Variants in DEPDC5 observed in about 807,000 individuals in gnomAD.
DEPDC5 encodes DEP domain containing 5, GATOR1 subcomplex subunit, also known as GATOR1 complex protein DEPDC5.
DEPDC5 carries 73 observed loss-of-function variants against 217.3 expected under a neutral mutation model. The ratio of observed to expected loss-of-function variants is 0.34; its 90% CI spans 0.28 to 0.41. The LOEUF (loss-of-function observed/expected upper bound fraction) is 0.41, where lower values mean the gene tolerates loss of function less well. DEPDC5 is among the 10% of genes least tolerant of loss of function. The probability of loss-of-function intolerance (pLI) is 1.00; values close to 1 mark genes in which losing one functional copy is unlikely to be tolerated. For missense variants in DEPDC5, 1,675 were observed against 2,070.1 expected (o/e 0.81, Z 3.70); for synonymous variants, 733 against 756.7 (o/e 0.97, Z 0.51).
intron 15 of DEPDC5, among the ~76,000 whole-genome samples, chr22:31,803,588 A>G (rs764872058): frequency 1.7e-4 from 26 of 151,690 alleles, no homozygotes; most frequent in Middle Eastern, 3.4e-3. Context: ...CGTATCCCCA[A>G]CTCAGCCCCA....
intron 37 of DEPDC5, among the ~76,000 whole-genome samples, chr22:31,877,749 C>CAAAA (rs136870): frequency 9.5e-5 from 6 of 62,836 alleles, no homozygotes; most frequent in East Asian, 5.6e-4. Flanking sequence ...GACTCCATCT[C>CAAAA]AAAAAAAAAA....
Position 31,845,765 on chromosome 22 carries a change from GTA to G in DEPDC5, c.3021+530_3021+531del, listed in dbSNP as rs759194765. 1.3e-3 allele frequency among the ~76,000 whole-genome samples: 191 copies of G among 149,218 alleles called. 1 individual carries two copies. Among genetic ancestry groups the G allele is most frequent in the Non-Finnish European group, 2.1e-3 (141 of 67,276 alleles). ...ATAATTGACGTGTGTGTGTGTGTGTGTATGTGTGTGTGTGTGTACACAGGTCT... is the reference window on the plus strand; with the variant it reads ...ATAATTGACGTGTGTGTGTGTGTGTGTGTGTGTGTGTGTGTACACAGGTCT... On this transcript the variant is annotated intron_variant, in intron 30 of 42. Transcript: ENST00000651528.
Position 31,857,460 on chromosome 22 carries a change from G to T in DEPDC5, c.3171G>T (p.Gln1057His). 6.2e-7 allele frequency: 1 copy of T among 1,608,262 alleles called. No homozygotes were observed. Among genetic ancestry groups the T allele is most frequent in the Non-Finnish European group, 8.5e-7 (1 of 1,177,494 alleles). The change falls in exon 32 of 43, where the codon CAG (glutamine) becomes CAT (histidine). Residue 1057 changes from glutamine (Q) to histidine (H), a missense_variant. This residue lies in a region of DEPDC5 where 126 missense variants were observed against 113.8 expected (regional missense o/e 1.11). Coordinates refer to ENST00000651528, the MANE Select transcript of DEPDC5 (RefSeq NM_001242896.3). ...CTCCTTTCAGGTGCCTGGGAGAACA[G>T]CAGGCAGCTGTGCATGGTGGGAAGA... The part of the protein sequence containing the change: ...MEASQKCLGE[Q>H]QAAVHGGKSS...
chr22:31,837,221 A>G (rs2091071352), intron 26 of DEPDC5, 66 bp downstream of exon 26: 3 of 1,542,204 alleles, frequency 1.9e-6, no homozygotes, highest in East Asian at 4.5e-5. Flanking sequence ...CCACACATGC[A>G]TCAGAACACT....
intron 21 of DEPDC5, chr22:31,817,072 C>A: frequency 6.2e-6 from 1 of 160,318 alleles, no homozygotes; most frequent in Non-Finnish European, 1.4e-5. Flanking sequence ...GGAAATGGTA[C>A]ACATTGTTTC....
intron 8 of DEPDC5, among the ~76,000 whole-genome samples, chr22:31,783,595 G>A (rs2084683467): frequency 6.6e-6 from 1 of 152,138 alleles, no homozygotes; most frequent in South Asian, 2.1e-4. Flanking sequence ...TGGAGCCTGG[G>A]AGTTTGAGGC....
chr22:31,809,973 C>T (rs1327296502), intron 19 of DEPDC5, among the ~76,000 whole-genome samples: 1 of 151,976 alleles, frequency 6.6e-6, no homozygotes, highest in Non-Finnish European at 1.5e-5. Flanking sequence ...CAGAGCAAGA[C>T]TCTGTCTCAA....
At chr22:31,851,211 G>A (rs1273054202) in intron 31 of DEPDC5, among the ~76,000 whole-genome samples, 1 of 152,206 alleles carries the variant, frequency 6.6e-6, no homozygotes, top group Non-Finnish European at 1.5e-5. Context: ...ACTCAGTCAT[G>A]CTAGCTGGCT....
chr22:31,883,612 T>C (rs1306328545), intron 38 of DEPDC5, among the ~76,000 whole-genome samples: 2 of 152,224 alleles, frequency 1.3e-5, no homozygotes, highest in African/African-American at 4.8e-5. Context: ...TACTACAATT[T>C]ATGCTTTAGA....
chr22:31,849,722 A>G (rs1238429276), intron 31 of DEPDC5, among the ~76,000 whole-genome samples: 1 of 152,074 alleles, frequency 6.6e-6, no homozygotes, highest in East Asian at 1.9e-4. Context: ...CGGAGGTTGC[A>G]ATGAGCTAAA....
intron 24 of DEPDC5, among the ~76,000 whole-genome samples, chr22:31,833,015 C>T (rs1469333263): frequency 1.3e-5 from 2 of 152,132 alleles, no homozygotes; most frequent in East Asian, 1.9e-4. Flanking sequence ...AGTTAGCCAC[C>T]GTTGAATGTT....
rs1194900785 is a variant in DEPDC5, at chr22:31,879,040, A to AT, written c.3806-485_3806-484insT. Among the ~76,000 whole-genome samples the AT allele has an allele frequency of 7.0e-5, 9 of 129,032 alleles. No homozygotes were observed. The South Asian group carries it at 1.0e-3, about 14-fold the overall frequency. The allele number at this position is 129,032 out of a possible 152,430, so 84.7% of individuals were successfully genotyped here. A position where few individuals can be genotyped will look rare whatever the true frequency, so the allele number is the denominator to read the frequency against. ...GCGAGACTCCGTCTCAAAAAAAAAA[A>AT]AAAATATATATATATATATATATAT... On this transcript the variant is annotated intron_variant, in intron 37 of 42. Coordinates refer to ENST00000651528, the MANE Select transcript of DEPDC5 (RefSeq NM_001242896.3).
At chr22:31,761,858 C>A (rs2082416823) in intron 4 of DEPDC5, among the ~76,000 whole-genome samples, 1 of 151,496 alleles carries the variant, frequency 6.6e-6, no homozygotes, top group South Asian at 2.1e-4. Context: ...ATCCTAGCTA[C>A]CCTGGAGGCC....
chr22:31,838,816 C>G lies in DEPDC5; in HGVS notation c.2486C>G (p.Pro829Arg). 6.2e-7 allele frequency: 1 copy of G among 1,614,056 alleles called. No individual in the cohort carries two copies. Among genetic ancestry groups the G allele is most frequent in the East Asian group, 2.2e-5 (1 of 44,870 alleles). Residue 829 changes from proline (P) to arginine (R), a missense_variant, in exon 27 of 43, where the codon CCG becomes CGG. Around this residue, in one of 11 missense-constraint regions of DEPDC5, gnomAD observed 293 missense variants for 386.1 expected, o/e 0.76. Transcript: ENST00000651528. ...TQKPNPAVPPPLSSSPLYSRG... is the reference protein window; with the variant it reads ...TQKPNPAVPPRLSSSPLYSRG... ...AAACCCAATCCTGCTGTCCCGCCCC[C>G]GCTGAGCAGTAGCCCACTCTATAGC...
Position 31,879,507 on chromosome 22 carries a change from C to T in DEPDC5, c.3806-18C>T, listed in dbSNP as rs374098750. On this transcript the variant is annotated intron_variant, in intron 37 of 42. Coordinates refer to ENST00000651528, the MANE Select transcript of DEPDC5 (RefSeq NM_001242896.3). ...CATTTGTGTTGAGTACTCCTTCTCTCCCCTCCACTTTTCCCAGTGGCCATG... is the reference window on the plus strand; with the variant it reads ...CATTTGTGTTGAGTACTCCTTCTCTTCCCTCCACTTTTCCCAGTGGCCATG... 15 of 1,603,936 alleles carry T rather than the reference C, an allele frequency of 9.4e-6. No homozygotes were observed. Among genetic ancestry groups the T allele is most frequent in the Non-Finnish European group, 1.3e-5 (15 of 1,178,316 alleles).
At chr22:31,816,035 C>G in intron 21 of DEPDC5, 1 of 985,508 alleles carries the variant, frequency 1.0e-6, no homozygotes. Context: ...CGCAGTGGCT[C>G]ACACCTGTAA....
Position 31,901,880 on chromosome 22 carries a change from A to G in DEPDC5, c.4436+78A>G, listed in dbSNP as rs986109697. On this transcript the variant is annotated intron_variant, in intron 41 of 42. Transcript: ENST00000651528. ...AATAGCAGTTACCAAAGTGAAACTC[A>G]TTTTTTTAGCTCCTAGAGAAAGGGA... 2.2e-6 allele frequency: 3 copies of G among 1,369,082 alleles called. No individual in the cohort carries two copies. The African/African-American group carries it at 4.3e-5, about 20-fold the overall frequency. The allele number at this position is 1,369,082 out of a possible 1,614,324, so 84.8% of individuals were successfully genotyped here.
rs2084725587 is a variant in DEPDC5, at chr22:31,784,002, C to T, written c.562+17C>T. The T allele has an allele frequency of 5.0e-6, 8 of 1,600,906 alleles. No individual in the cohort carries two copies. The highest frequency in any genetic ancestry group is 6.8e-6 in the Non-Finnish European group (8 of 1,173,304). The stretch of plus-strand genomic sequence containing the variant: ...ATATTTATGGTACTGTGTCTATGTG[C>T]TGATTGTAACTGCTAAGGGGAGAAT... On this transcript the variant is annotated intron_variant, in intron 9 of 42. Transcript: ENST00000651528.
In DEPDC5 at chr22:31,835,352, A is replaced by T. The variant is rs373434527; in HGVS notation, c.2170+1372A>T. Among the ~76,000 whole-genome samples, 12 of 151,718 alleles carry T rather than the reference A, an allele frequency of 7.9e-5. No individual in the cohort carries two copies. The East Asian group carries it at 1.4e-3, about 17-fold the overall frequency. ...TATTTTAGTGGTTCTGAGGTGTAGA[A>T]CTTCCTCAGAGTCCCTCTTTTCAGA... is the stretch of plus-strand genomic sequence containing the variant. On this transcript the variant is annotated intron_variant, in intron 25 of 42. Coordinates refer to ENST00000651528, the MANE Select transcript of DEPDC5 (RefSeq NM_001242896.3).
Sources: gnomAD v4.1 joint callset for allele counts (sites outside exome capture counted in the v4.1 genomes callset) on GRCh38, gnomAD v4.1.1 for gene constraint, gnomAD v4.1.1 regional missense constraint, MANE v1.5 for transcripts, NCBI Gene and HGNC (gene_info 2026-07-23, HGNC 2026-07-21) for gene names.